Variants in KLF13 observed in about 807,000 individuals in gnomAD.
KLF13 encodes Krueppel-like factor 13.
A neutral mutation model predicts 16.7 loss-of-function variants in KLF13; 8 were observed. The ratio of observed to expected loss-of-function variants is 0.48; its 90% CI spans 0.28 to 0.87. The LOEUF is 0.87. Among genes scored for constraint, KLF13 ranks in the 40% least tolerant of loss-of-function variants. The probability of loss-of-function intolerance (pLI) is 0.10; values close to 1 mark genes in which losing one functional copy is unlikely to be tolerated. For missense variants in KLF13, 447 were observed against 452.2 expected (o/e 0.99, Z 0.10); for synonymous variants, 245 against 208.4 (o/e 1.18, Z -1.51).
downstream of KLF13, among the ~76,000 whole-genome samples, chr15:31,379,932 G>C (rs989575080): frequency 6.6e-5 from 10 of 152,170 alleles, no homozygotes; most frequent in African/African-American, 2.4e-4. Flanking sequence ...GAAGCATCTG[G>C]TGGAGGGCGG....
intron 1 of KLF13, among the ~76,000 whole-genome samples, chr15:31,337,075 C>T (rs1317147747): frequency 6.6e-6 from 1 of 152,212 alleles, no homozygotes; most frequent in Non-Finnish European, 1.5e-5. Flanking sequence ...GCCCCGTTGT[C>T]CTCACCTGCA....
At chr15:31,361,252 A>G (rs2039379637) in intron 1 of KLF13, among the ~76,000 whole-genome samples, 1 of 152,056 alleles carries the variant, frequency 6.6e-6, no homozygotes, top group African/African-American at 2.4e-5. Flanking sequence ...CGTGGGCAGC[A>G]GTGTTCCTGT....
At chr15:31,349,068 C>T (rs978075719) in intron 1 of KLF13, among the ~76,000 whole-genome samples, 1 of 152,166 alleles carries the variant, frequency 6.6e-6, no homozygotes, top group Non-Finnish European at 1.5e-5. Context: ...TATGGGTTTT[C>T]AGGAGGCACA....
intron 1 of KLF13, among the ~76,000 whole-genome samples, chr15:31,355,664 A>G (rs2039288483): frequency 6.6e-6 from 1 of 152,072 alleles, no homozygotes. Context: ...TCTCCCACCC[A>G]TGTGATAATT....
At chr15:31,424,583 T>C (rs542523442) in intron 1 of KLF13, among the ~76,000 whole-genome samples, 1 of 152,278 alleles carries the variant, frequency 6.6e-6, no homozygotes, top group East Asian at 1.9e-4. Context: ...CACCCTTTCA[T>C]GATAAAAACA....
chr15:31,398,180 G>A (rs181818807), intron 2 of KLF13, among the ~76,000 whole-genome samples: 2 of 152,312 alleles, frequency 1.3e-5, no homozygotes, highest in East Asian at 3.9e-4. Flanking sequence ...CTGCTCGGGC[G>A]GGGCCTTAAT....
rs539265686 is a variant in KLF13, at chr15:31,367,664, C to G, written c.578-4346C>G. On this transcript the variant is annotated intron_variant, in intron 1 of 1. Transcript: ENST00000307145. ...GTCTGAATTTGGGTTGGCTTCCCCC[C>G]ACACCAACAGGCCCAAATCAGAGGA... Among the ~76,000 whole-genome samples the G allele has an allele frequency of 9.3e-4, 141 of 152,326 alleles. 1 individual carries two copies. Among genetic ancestry groups the G allele is most frequent in the African/African-American group, 3.1e-3 (127 of 41,568 alleles).
chr15:31,425,601 G>T (rs2040391118), intron 1 of KLF13, among the ~76,000 whole-genome samples: 2 of 152,204 alleles, frequency 1.3e-5, no homozygotes, highest in East Asian at 3.8e-4. Context: ...CAGTGGCTGG[G>T]TGCAGTGGCT....
At chr15:31,364,550 C>G (rs1237059906) in intron 1 of KLF13, among the ~76,000 whole-genome samples, 2 of 152,274 alleles carry the variant, frequency 1.3e-5, no homozygotes, top group Non-Finnish European at 2.9e-5. Context: ...CCTCCAAGCA[C>G]CACTGTGCAG....
downstream of KLF13, among the ~76,000 whole-genome samples, chr15:31,381,265 T>C (rs1450074576): frequency 6.6e-6 from 1 of 152,192 alleles, no homozygotes; most frequent in Non-Finnish European, 1.5e-5. Flanking sequence ...TTTATTCTCT[T>C]GCAGCTCTGG....
intron 1 of KLF13, among the ~76,000 whole-genome samples, chr15:31,421,126 CG>C (rs367669418): frequency 6.6e-6 from 1 of 151,984 alleles, no homozygotes; most frequent in East Asian, 1.9e-4. Context: ...AATTAAGCCT[CG>C]GTTGAGCCAT....
intron 1 of KLF13, among the ~76,000 whole-genome samples, chr15:31,387,762 G>A (rs1376098499): frequency 1.3e-5 from 2 of 152,260 alleles, no homozygotes; most frequent in Non-Finnish European, 2.9e-5. Flanking sequence ...GGTTCAGGCA[G>A]GCCTGCAGGC....
At chr15:31,336,089 CAGCGTA>C (rs1873411016) in intron 1 of KLF13, among the ~76,000 whole-genome samples, 1 of 152,250 alleles carries the variant, frequency 6.6e-6, no homozygotes, top group Non-Finnish European at 1.5e-5. Context: ...CCCCCGACCC[CAGCGTA>C]CACTGGACAC....
intron 1 of KLF13, among the ~76,000 whole-genome samples, chr15:31,418,979 A>G (rs1426281406): frequency 6.6e-6 from 1 of 152,188 alleles, no homozygotes; most frequent in Non-Finnish European, 1.5e-5. Context: ...ATAAATAAGA[A>G]AGGAGATCTA....
At chr15:31,361,498 G>A (rs944445722) in intron 1 of KLF13, among the ~76,000 whole-genome samples, 1 of 152,140 alleles carries the variant, frequency 6.6e-6, no homozygotes, top group African/African-American at 2.4e-5. Flanking sequence ...GTGCCATTGA[G>A]TGTCTGTAGC....
chr15:31,368,350 G>A (rs747802345), intron 1 of KLF13, among the ~76,000 whole-genome samples: 1 of 152,130 alleles, frequency 6.6e-6, no homozygotes, highest in Non-Finnish European at 1.5e-5. Context: ...TTAATGACTA[G>A]TGTGCGTTGT....
rs2039646254 is a variant in KLF13, at chr15:31,376,382, C to T, written c.*4083C>T. 1 of 152,308 alleles carries T rather than the reference C, an allele frequency of 6.6e-6. No homozygotes were observed. Among genetic ancestry groups the T allele is most frequent in the Non-Finnish European group, 1.5e-5 (1 of 68,046 alleles). 9.4% of individuals were successfully genotyped at this position (152,308 alleles called of 1,614,324 possible). A position where few individuals can be genotyped will look rare whatever the true frequency, so the allele number is the denominator to read the frequency against. ...AGGTCATTTAGTCAAAGACACAGTG[C>T]TAGAGGTTTAAAGGGTGTAATGTGT... On this transcript the variant is annotated 3_prime_UTR_variant, in exon 2 of 2. Transcript: ENST00000307145.
At chr15:31,401,460 G>T (rs535877154) in intron 2 of KLF13, among the ~76,000 whole-genome samples, 2 of 152,208 alleles carry the variant, frequency 1.3e-5, no homozygotes, top group African/African-American at 2.4e-5. Context: ...GTGGGTAGTG[G>T]GCTGCCTGCT....
At chr15:31,333,509 C>T (rs1196139378) in intron 1 of KLF13, among the ~76,000 whole-genome samples, 1 of 152,166 alleles carries the variant, frequency 6.6e-6, no homozygotes, top group East Asian at 1.9e-4. Context: ...ATACTCTTCC[C>T]ATAGGGTCAT....
Sources: gnomAD v4.1 joint callset for allele counts (sites outside exome capture counted in the v4.1 genomes callset) on GRCh38, gnomAD v4.1.1 for gene constraint, MANE v1.5 for transcripts, NCBI Gene and HGNC (gene_info 2026-07-23, HGNC 2026-07-21) for gene names.